OR13A1: variants seen among roughly 807,000 people sequenced by gnomAD.
The protein encoded by OR13A1 is olfactory receptor 13A1.
In OR13A1, 10 loss-of-function variants were observed where a neutral mutation model predicts 7.5. That is an observed-to-expected ratio of 1.34 (90% confidence interval 0.83 to 2.27). The LOEUF (loss-of-function observed/expected upper bound fraction) is 2.27, where lower values mean the gene tolerates loss of function less well. Among genes scored for constraint, OR13A1 ranks in the 30% most tolerant of loss-of-function variants. The probability of loss-of-function intolerance (pLI) is 0.00; values close to 1 mark genes in which losing one functional copy is unlikely to be tolerated. For missense variants in OR13A1, 509 were observed against 419.1 expected (o/e 1.21, Z -1.87); for synonymous variants, 238 against 177.9 (o/e 1.34, Z -2.69).
At position 45,303,286 on chromosome 10, in the gene OR13A1, G is replaced by A. The variant is rs1421862072; in HGVS notation, c.*150C>T. On this transcript the variant is annotated 3_prime_UTR_variant, in exon 4 of 4. Transcript: ENST00000553795. ...CCTACCGCAATCCCCCCATCACCAA[G>A]TCTCAGGGAACCAGCACTCCCAGCT... The A allele has an allele frequency of 3.7e-6, 3 of 812,378 alleles. No individual in the cohort carries two copies. Among genetic ancestry groups the A allele is most frequent in the African/African-American group, 3.4e-5 (2 of 58,326 alleles). The allele number at this position is 812,378 out of a possible 1,614,324, so 50.3% of individuals were successfully genotyped here. A position where few individuals can be genotyped will look rare whatever the true frequency, so the allele number is the denominator to read the frequency against.
At position 45,303,010 on chromosome 10, in the gene OR13A1, C is replaced by A. The variant is rs780630531; in HGVS notation, c.*426G>T. ...TAAAACAAAGCTTCAGTCTGACAAC[C>A]CTTCAGGGGCTGTGGGGTCCACAAT... On this transcript the variant is annotated 3_prime_UTR_variant, in exon 4 of 4. Coordinates refer to ENST00000553795, the MANE Select transcript of OR13A1 (RefSeq NM_001004297.3). The A allele has an allele frequency of 5.0e-5, 8 of 159,774 alleles. No homozygotes were observed. The highest frequency in any genetic ancestry group is 1.9e-4 in the East Asian group (1 of 5,400). The allele number at this position is 159,774 out of a possible 1,614,324, so 9.9% of individuals were successfully genotyped here.
In OR13A1 at chr10:45,303,511, G is replaced by A. The variant is rs753790352; in HGVS notation, c.912C>T (p.Asn304=). The stretch of plus-strand genomic sequence containing the variant: ...TGTTTCTCAAAGTATAGATGAGGGG[G>A]TTGAGGGTAGGACTCAGCACAGTGT... ...LLYTVLSPTL[N]PLIYTLRNKE... Residue 304 remains asparagine, a synonymous_variant, in exon 4 of 4, where the codon AAC becomes AAT. Coordinates refer to ENST00000553795, the MANE Select transcript of OR13A1 (RefSeq NM_001004297.3). The A allele has an allele frequency of 4.3e-6, 7 of 1,613,972 alleles. No homozygotes were observed. The highest frequency in any genetic ancestry group is 5.9e-6 in the Non-Finnish European group (7 of 1,180,000).
chr10:45,305,354 A>T (rs1300790819), intron 3 of OR13A1, among the ~76,000 whole-genome samples: 4 of 152,206 alleles, frequency 2.6e-5, no homozygotes, highest in Non-Finnish European at 5.9e-5. Flanking sequence ...ACTGATATTG[A>T]GGATAGTGAA....
At chr10:45,306,670 T>C (rs937422636) in intron 3 of OR13A1, among the ~76,000 whole-genome samples, 1 of 152,208 alleles carries the variant, frequency 6.6e-6, no homozygotes, top group African/African-American at 2.4e-5. Context: ...TATCACCTTT[T>C]AATAAGGTAA....
At chr10:45,311,499 A>T (rs1320825972) in intron 1 of OR13A1, among the ~76,000 whole-genome samples, 1 of 152,206 alleles carries the variant, frequency 6.6e-6, no homozygotes, top group East Asian at 1.9e-4. Flanking sequence ...ATATTGCGAC[A>T]GGGTCTTGAT....
intron 1 of OR13A1, among the ~76,000 whole-genome samples, chr10:45,313,452 G>A (rs1838476240): frequency 6.6e-6 from 1 of 151,968 alleles, no homozygotes; most frequent in African/African-American, 2.4e-5. Flanking sequence ...TACTTTAAAT[G>A]TAAATGGATT....
chr10:45,305,078 A>G (rs368283968), intron 3 of OR13A1, among the ~76,000 whole-genome samples: 1 of 152,220 alleles, frequency 6.6e-6, no homozygotes, highest in African/African-American at 2.4e-5. Context: ...CTAAAAATAC[A>G]AAAATTAACC....
At position 45,310,720 on chromosome 10, in the gene OR13A1, T is replaced by C. The variant is rs1838428253; in HGVS notation, c.-224-2912A>G. Among the ~76,000 whole-genome samples the C allele has an allele frequency of 3.9e-5, 6 of 152,220 alleles. 1 individual carries two copies. In the South Asian group the frequency reaches 1.0e-3, roughly 26 times the overall value. On this transcript the variant is annotated intron_variant, in intron 1 of 3. Transcript: ENST00000553795. ...AGACTGGAAGTAAGAATGAATTGTATATGTTACTCCCGAGAACTGAGATTC... is the reference window on the plus strand; with the variant it reads ...AGACTGGAAGTAAGAATGAATTGTACATGTTACTCCCGAGAACTGAGATTC...
intron 3 of OR13A1, among the ~76,000 whole-genome samples, chr10:45,305,371 A>C (rs1838306942): frequency 2.0e-5 from 3 of 152,244 alleles, no homozygotes; most frequent in South Asian, 4.1e-4. Flanking sequence ...TGAAAAATTT[A>C]AAATAAAAAT....
At position 45,303,074 on chromosome 10, in the gene OR13A1, G is replaced by C. The variant is rs1305272337; in HGVS notation, c.*362C>G. On this transcript the variant is annotated 3_prime_UTR_variant, in exon 4 of 4. Transcript: ENST00000553795. ...TTAGACCCACACAGCTGAATTCTAG[G>C]TGTGATTTTAGAATTTACACCCTGA... The C allele has an allele frequency of 1.1e-5, 2 of 182,068 alleles. No individual in the cohort carries two copies. The highest frequency in any genetic ancestry group is 1.5e-4 in the East Asian group (1 of 6,762). The allele number at this position is 182,068 out of a possible 1,614,324, so 11.3% of individuals were successfully genotyped here. A position where few individuals can be genotyped will look rare whatever the true frequency, so the allele number is the denominator to read the frequency against.
chr10:45,311,709 G>T (rs117426738), intron 1 of OR13A1, among the ~76,000 whole-genome samples: 548 of 152,054 alleles, frequency 3.6e-3, no homozygotes, highest in Admixed American at 7.1e-3. Flanking sequence ...GAAGGGAGAG[G>T]AACAGAAAAA....
Position 45,304,347 on chromosome 10 carries a change from A to G in OR13A1, c.76T>C (p.Leu26=), listed in dbSNP as rs760749993. The change falls in exon 4 of 4, where the codon TTG becomes CTG. Residue 26 remains leucine, a synonymous_variant. Transcript: ENST00000553795. ...CCCTGCAGGATGAACTCGGTTACCAACGTCTGGTTACTCATCATCCTTGGG... is the reference window on the plus strand; with the variant it reads ...CCCTGCAGGATGAACTCGGTTACCAGCGTCTGGTTACTCATCATCCTTGGG... ...PSPRMMSNQT[L]VTEFILQGFS... is the part of the protein sequence containing the mutation. 2.0e-5 allele frequency: 32 copies of G among 1,614,120 alleles called. No individual in the cohort carries two copies. In the East Asian group the frequency reaches 3.3e-4, roughly 17 times the overall value.
intron 1 of OR13A1, chr10:45,308,594 C>T (rs1331156413): frequency 2.0e-5 from 3 of 152,104 alleles, no homozygotes; most frequent in Non-Finnish European, 4.4e-5. Context: ...TGGATCAACT[C>T]AACAAAAACC....
intron 3 of OR13A1, among the ~76,000 whole-genome samples, chr10:45,306,755 A>T (rs1390521455): frequency 2.0e-5 from 3 of 152,218 alleles, no homozygotes; most frequent in Non-Finnish European, 2.9e-5. Flanking sequence ...GTGGGGTATG[A>T]TCAGAATCAA....
chr10:45,303,324 G>T lies in OR13A1; in HGVS notation c.*112C>A. On this transcript the variant is annotated 3_prime_UTR_variant, in exon 4 of 4. Transcript: ENST00000553795. ...AGCACTCCCAGCTCATCCATGCACA[G>T]GTTCTGCTGGGTTAGAAAAAACAAG... is the stretch of plus-strand genomic sequence containing the variant. 1 of 1,154,684 alleles carries T rather than the reference G, an allele frequency of 8.7e-7. No individual in the cohort carries two copies. The highest frequency in any genetic ancestry group is 1.2e-6 in the Non-Finnish European group (1 of 810,800). 71.5% of individuals were successfully genotyped at this position (1,154,684 alleles called of 1,614,324 possible).
Position 45,304,417 on chromosome 10 carries a change from C to G in OR13A1, c.6G>C (p.Lys2Asn), listed in dbSNP as rs1323893038. The G allele has an allele frequency of 6.2e-7, 1 of 1,610,984 alleles. No individual in the cohort carries two copies. The highest frequency in any genetic ancestry group is 1.1e-5 in the South Asian group (1 of 90,676). ...CTATCAGGTGACTCTCCATCCACAGCTTCATGTGATTTCAGAGCTAGAGAG... is the reference window on the plus strand; with the variant it reads ...CTATCAGGTGACTCTCCATCCACAGGTTCATGTGATTTCAGAGCTAGAGAG... M[K>N]LWMESHLIVP... The change falls in exon 4 of 4, where the codon AAG becomes AAC. Residue 2 changes from lysine (K) to asparagine (N), a missense_variant. By Grantham distance (94) the Lys-to-Asn change is moderately conservative. Transcript: ENST00000553795.
At chr10:45,311,219 T>C (rs1407537342) in intron 1 of OR13A1, among the ~76,000 whole-genome samples, 1 of 152,228 alleles carries the variant, frequency 6.6e-6, no homozygotes, top group Non-Finnish European at 1.5e-5. Flanking sequence ...CACCCAGCCA[T>C]AGCCTTGGGT....
At position 45,304,060 on chromosome 10, in the gene OR13A1, G is replaced by A. The variant is rs866486835; in HGVS notation, c.363C>T (p.Phe121=). ...SYGGCMAQLY[F]LTWAASSELL... is the part of the protein sequence containing the mutation. The stretch of plus-strand genomic sequence containing the variant: ...GCTCTGAGGATGCAGCCCACGTGAG[G>A]AAATAGAGCTGGGCCATGCAGCCCC... The change falls in exon 4 of 4, where the codon TTC becomes TTT. Residue 121 remains phenylalanine (F), a synonymous_variant. Transcript: ENST00000553795. 1.2e-6 allele frequency: 2 copies of A among 1,613,750 alleles called. No individual in the cohort carries two copies. Among genetic ancestry groups the A allele is most frequent in the Non-Finnish European group, 1.7e-6 (2 of 1,179,776 alleles).
chr10:45,305,230 T>C (rs919139895), intron 3 of OR13A1, among the ~76,000 whole-genome samples: 1 of 150,592 alleles, frequency 6.6e-6, no homozygotes, highest in Admixed American at 6.6e-5. Context: ...TGAGACTGTC[T>C]CAAAAAAAAT....
Sources: allele counts gnomAD v4.1 joint callset (sites outside exome capture counted in the v4.1 genomes callset), GRCh38; gene constraint gnomAD v4.1.1; transcripts MANE v1.5; gene names NCBI Gene and HGNC (gene_info 2026-07-23, HGNC 2026-07-21).